Variants in TNR observed in about 807,000 individuals in gnomAD.
TNR encodes tenascin-R.
A neutral mutation model predicts 150.4 loss-of-function variants in TNR; 45 were observed. The observed-to-expected ratio is 0.30, with a 90% CI of 0.24 to 0.38. The LOEUF (loss-of-function observed/expected upper bound fraction) is 0.38. Ranked by LOEUF, TNR falls within the 10% of genes least tolerant of loss-of-function variation. TNR has a pLI of 1.00. For missense variants in TNR, 1,544 were observed against 1,759.1 expected (o/e 0.88, Z 2.19); for synonymous variants, 687 against 678.4 (o/e 1.01, Z -0.20).
chr1:175,603,553 G>C (rs1176535872), intron 1 of TNR, among the ~76,000 whole-genome samples: 1 of 152,220 alleles, frequency 6.6e-6, no homozygotes, highest in African/African-American at 2.4e-5. Context: ...ATGATGCTTT[G>C]ATGAATTCTC....
intron 2 of TNR, among the ~76,000 whole-genome samples, chr1:175,443,642 T>C (rs977074392): frequency 6.6e-6 from 1 of 152,070 alleles, no homozygotes; most frequent in Admixed American, 6.5e-5. Context: ...AGGTGATCAC[T>C]ACATTTCTCT....
At chr1:175,703,960 T>C (rs1452254285) in intron 1 of TNR, among the ~76,000 whole-genome samples, 1 of 152,202 alleles carries the variant, frequency 6.6e-6, no homozygotes. Flanking sequence ...TATTGTATTG[T>C]GTATGGTAGT....
rs376311900 is a variant in TNR at position 175,348,658 on chromosome 1, C to G, written c.3382+5733G>C. The stretch of plus-strand genomic sequence containing the variant: ...TGGGAACTTAATATACAATGAGGCA[C>G]CACAAACCAATACAGAACAGATGGA... On this transcript the variant is annotated intron_variant, in intron 18 of 22. Coordinates refer to ENST00000367674, the MANE Select transcript of TNR (RefSeq NM_003285.3). Among the ~76,000 whole-genome samples, 52 of 152,082 alleles carry G rather than the reference C, an allele frequency of 3.4e-4. 2 individuals are homozygous for G. Among genetic ancestry groups the G allele is most frequent in the African/African-American group, 1.3e-3 (52 of 41,492 alleles).
At chr1:175,333,820 G>A (rs1650076296) in intron 20 of TNR, among the ~76,000 whole-genome samples, 1 of 152,176 alleles carries the variant, frequency 6.6e-6, no homozygotes, top group Non-Finnish European at 1.5e-5. Flanking sequence ...CTGGCTCTGT[G>A]GAGGAGAAGG....
intron 1 of TNR, among the ~76,000 whole-genome samples, chr1:175,637,744 TA>T (rs1210845886): frequency 1.1e-4 from 16 of 152,268 alleles, no homozygotes; most frequent in African/African-American, 3.8e-4. Flanking sequence ...AATCTACCAC[TA>T]GGGGGGAAAT....
chr1:175,585,741 T>C (rs1293275373), intron 1 of TNR, among the ~76,000 whole-genome samples: 2 of 152,172 alleles, frequency 1.3e-5, no homozygotes, highest in South Asian at 2.1e-4. Flanking sequence ...TGTTCTCACA[T>C]GGTCAGCCTC....
chr1:175,561,922 T>C (rs1259611421), intron 1 of TNR, among the ~76,000 whole-genome samples: 3 of 152,208 alleles, frequency 2.0e-5, no homozygotes, highest in Non-Finnish European at 4.4e-5. Context: ...AATATTAGAA[T>C]AGACCAGTTC....
intron 2 of TNR, among the ~76,000 whole-genome samples, chr1:175,526,333 T>C (rs1253361381): frequency 1.3e-5 from 2 of 152,136 alleles, no homozygotes; most frequent in African/African-American, 4.8e-5. Context: ...GGGTATAGAG[T>C]GAAGCTTTTC....
intron 1 of TNR, among the ~76,000 whole-genome samples, chr1:175,689,277 C>T (rs986039422): frequency 3.3e-5 from 5 of 152,230 alleles, no homozygotes; most frequent in Admixed American, 2.6e-4. Context: ...ACTGCCTCTT[C>T]ATCACCTCCC....
intron 2 of TNR, among the ~76,000 whole-genome samples, chr1:175,454,475 T>C (rs962648285): frequency 4.6e-5 from 7 of 151,938 alleles, no homozygotes; most frequent in Non-Finnish European, 8.8e-5. Flanking sequence ...TATTCATTCA[T>C]TTATTTATTT....
At chr1:175,644,562 G>C (rs1481028601) in intron 1 of TNR, among the ~76,000 whole-genome samples, 1 of 152,194 alleles carries the variant, frequency 6.6e-6, no homozygotes, top group Non-Finnish European at 1.5e-5. Flanking sequence ...ATTCCACAAA[G>C]CTGGACAACT....
intron 1 of TNR, among the ~76,000 whole-genome samples, chr1:175,722,708 G>T (rs2101945815): frequency 6.6e-6 from 1 of 152,108 alleles, no homozygotes; most frequent in South Asian, 2.1e-4. Flanking sequence ...CAAGCAATTT[G>T]CCTGCCTCAG....
At chr1:175,708,878 T>C (rs1202440495) in intron 1 of TNR, among the ~76,000 whole-genome samples, 2 of 152,166 alleles carry the variant, frequency 1.3e-5, no homozygotes, top group Admixed American at 6.5e-5. Context: ...ATCTGTGATA[T>C]CGTCAAGCAC....
At chr1:175,392,993 G>T (rs952370784) in intron 6 of TNR, among the ~76,000 whole-genome samples, 1 of 152,110 alleles carries the variant, frequency 6.6e-6, no homozygotes, top group Non-Finnish European at 1.5e-5. Flanking sequence ...CTGATGAATG[G>T]CTAAAAAATG....
rs1696104455 is a variant in TNR, at chr1:175,329,930, G to T, written c.3793+144C>A. ...GGGACCAGTGCCAGTGGTTCCCAGTGGCATGGCCCTTCTTCTCCCTGGCCA... is the reference window on the plus strand; with the variant it reads ...GGGACCAGTGCCAGTGGTTCCCAGTTGCATGGCCCTTCTTCTCCCTGGCCA... On this transcript the variant is annotated intron_variant, in intron 21 of 22. Transcript: ENST00000367674. 5.3e-6 allele frequency: 5 copies of T among 936,870 alleles called. No individual in the cohort carries two copies. The Admixed American group carries it at 8.5e-5, about 16-fold the overall frequency. 58.0% of individuals were successfully genotyped at this position (936,870 alleles called of 1,614,324 possible). A position where few individuals can be genotyped will look rare whatever the true frequency, so the allele number is the denominator to read the frequency against.
intron 2 of TNR, among the ~76,000 whole-genome samples, chr1:175,444,473 T>C (rs915207421): frequency 3.3e-5 from 5 of 152,246 alleles, no homozygotes; most frequent in African/African-American, 1.2e-4. Context: ...TCCTTACTCC[T>C]TGGTCTGTGC....
chr1:175,474,525 A>T (rs1250837474), intron 2 of TNR, among the ~76,000 whole-genome samples: 1 of 152,242 alleles, frequency 6.6e-6, no homozygotes, highest in Non-Finnish European at 1.5e-5. Flanking sequence ...AAGCTGTGGC[A>T]ATTTGTTATG....
intron 2 of TNR, among the ~76,000 whole-genome samples, chr1:175,486,121 CTTT>C (rs35730425): frequency 6.9e-6 from 1 of 145,126 alleles, no homozygotes; most frequent in Non-Finnish European, 1.5e-5. Flanking sequence ...GCATTAGGTT[CTTT>C]TTTTTTTTTT....
At chr1:175,711,095 A>G (rs1312788197) in intron 1 of TNR, among the ~76,000 whole-genome samples, 1 of 152,164 alleles carries the variant, frequency 6.6e-6, no homozygotes, top group Admixed American at 6.5e-5. Flanking sequence ...ACCTTCTGAC[A>G]TTGGTTTCTC....
Sources: allele counts gnomAD v4.1 joint callset (sites outside exome capture counted in the v4.1 genomes callset), GRCh38; gene constraint gnomAD v4.1.1; transcripts MANE v1.5; gene names NCBI Gene and HGNC (gene_info 2026-07-23, HGNC 2026-07-21).